The following MCTP1 variants were observed in gnomAD, a reference collection of about 807,000 sequenced individuals.
MCTP1 encodes multiple C2 and transmembrane domain containing 1.
Under a neutral mutation model 120.6 loss-of-function variants are expected in MCTP1, and 69 were observed. The observed-to-expected ratio is 0.57, with a 90% CI of 0.47 to 0.70. The LOEUF is 0.70. MCTP1 is among the 30% of genes least tolerant of loss of function. The pLI, the probability that MCTP1 is intolerant of heterozygous loss-of-function variation, is 0.00. For synonymous variants in MCTP1, 529 were observed against 493.1 expected, an observed-to-expected ratio of 1.07 and a Z score of -0.96; for missense variants, 1,203 against 1,248.8, an observed-to-expected ratio of 0.96 and a Z score of 0.55.
At chr5:94,711,224 CTTCT>C (rs1300000510) in intron 20 of MCTP1, among the ~76,000 whole-genome samples, 2 of 152,000 alleles carry the variant, frequency 1.3e-5, no homozygotes, top group African/African-American at 2.4e-5. Flanking sequence ...CTTTATTTTT[CTTCT>C]TTATTTTTCT....
intron 19 of MCTP1, among the ~76,000 whole-genome samples, chr5:94,758,203 C>T (rs1012890297): frequency 6.6e-6 from 1 of 152,176 alleles, no homozygotes; most frequent in African/African-American, 2.4e-5. Flanking sequence ...ATATTAAGTG[C>T]ACATATGCAT....
chr5:94,928,625 T>C (rs1813759628), intron 6 of MCTP1, among the ~76,000 whole-genome samples: 1 of 152,170 alleles, frequency 6.6e-6, no homozygotes, highest in Non-Finnish European at 1.5e-5. Context: ...ATGTGCGTAA[T>C]AGAAAGTGTG....
At chr5:94,977,435 T>C (rs1828353566) in intron 2 of MCTP1, among the ~76,000 whole-genome samples, 1 of 151,798 alleles carries the variant, frequency 6.6e-6, no homozygotes, top group Admixed American at 6.6e-5. Flanking sequence ...TCTATCAAAT[T>C]CCAATGATAT....
intron 19 of MCTP1, among the ~76,000 whole-genome samples, chr5:94,723,222 C>T (rs1761316165): frequency 6.6e-6 from 1 of 152,082 alleles, no homozygotes; most frequent in Non-Finnish European, 1.5e-5. Flanking sequence ...TGCCTCTCTT[C>T]CTGATATTAG....
intron 2 of MCTP1, among the ~76,000 whole-genome samples, chr5:94,972,644 T>G (rs557901525): frequency 2.0e-5 from 3 of 152,160 alleles, no homozygotes; most frequent in African/African-American, 7.2e-5. Context: ...GAAAATATAA[T>G]TTTAAAAATT....
At chr5:95,165,543 G>A (rs908271708) in intron 1 of MCTP1, among the ~76,000 whole-genome samples, 1 of 152,144 alleles carries the variant, frequency 6.6e-6, no homozygotes, top group Non-Finnish European at 1.5e-5. Context: ...GAATTCAAAT[G>A]TCTTGCATTA....
intron 1 of MCTP1, among the ~76,000 whole-genome samples, chr5:95,109,771 T>C (rs1418012739): frequency 1.3e-5 from 2 of 152,216 alleles, no homozygotes; most frequent in South Asian, 2.1e-4. Context: ...GTAGGTTATA[T>C]CTTTGTCAGG....
chr5:94,848,712 G>C (rs1413457538), intron 17 of MCTP1, among the ~76,000 whole-genome samples: 17 of 151,716 alleles, frequency 1.1e-4, no homozygotes, highest in Admixed American at 1.1e-3. Context: ...CTTGAACTGT[G>C]GGATAATTTC....
intron 10 of MCTP1, among the ~76,000 whole-genome samples, chr5:94,908,962 T>C (rs1256364493): frequency 1.3e-5 from 2 of 152,134 alleles, no homozygotes; most frequent in African/African-American, 4.8e-5. Context: ...TGTTCCTTTA[T>C]GTATCTTATA....
intron 1 of MCTP1, among the ~76,000 whole-genome samples, chr5:95,209,786 C>T (rs1287079681): frequency 6.6e-6 from 1 of 152,148 alleles, no homozygotes; most frequent in African/African-American, 2.4e-5. Context: ...TTGGATCTTT[C>T]CTGCTTTCTC....
chr5:95,248,125 C>T (rs896393758), intron 1 of MCTP1, among the ~76,000 whole-genome samples: 2 of 152,156 alleles, frequency 1.3e-5, no homozygotes, highest in Admixed American at 6.5e-5. Context: ...GACAAGGATG[C>T]CCTTTCTCAC....
intron 1 of MCTP1, among the ~76,000 whole-genome samples, chr5:95,090,355 AT>A (rs1755750859): frequency 6.6e-6 from 1 of 152,188 alleles, no homozygotes; most frequent in Admixed American, 6.5e-5. Flanking sequence ...CAGCAAATCA[AT>A]TAGCTATTTC....
At chr5:95,106,902 C>A (rs1429220218) in intron 1 of MCTP1, among the ~76,000 whole-genome samples, 1 of 152,058 alleles carries the variant, frequency 6.6e-6, no homozygotes, top group Admixed American at 6.5e-5. Flanking sequence ...ATAAAACTGG[C>A]AGTATATTTT....
intron 1 of MCTP1, among the ~76,000 whole-genome samples, chr5:95,255,925 T>C (rs780366099): frequency 6.6e-5 from 10 of 152,074 alleles, no homozygotes; most frequent in Non-Finnish European, 1.2e-4. Context: ...AGTTCGGTCA[T>C]AAACAAGCAC....
At chr5:94,977,626 A>G (rs942756485) in intron 2 of MCTP1, among the ~76,000 whole-genome samples, 5 of 152,154 alleles carry the variant, frequency 3.3e-5, no homozygotes, top group East Asian at 1.9e-4. Context: ...AGACAGACAT[A>G]TAGTCCAAGG....
intron 1 of MCTP1, among the ~76,000 whole-genome samples, chr5:95,224,698 T>C (rs532165901): frequency 3.2e-4 from 49 of 152,210 alleles, no homozygotes; most frequent in East Asian, 1.9e-3. Context: ...TTCATAGAAA[T>C]GTGGTTTCAC....
intron 10 of MCTP1, among the ~76,000 whole-genome samples, chr5:94,896,496 G>A (rs1271410991): frequency 3.3e-5 from 5 of 151,546 alleles, no homozygotes; most frequent in East Asian, 1.9e-4. Flanking sequence ...GCACTAAAAC[G>A]CATTGATGTC....
At chr5:95,089,566 T>C (rs567903317) in intron 1 of MCTP1, among the ~76,000 whole-genome samples, 1 of 152,228 alleles carries the variant, frequency 6.6e-6, no homozygotes, top group Non-Finnish European at 1.5e-5. Context: ...AGCGAAGTTT[T>C]CTATTTAAAT....
At chr5:95,247,952 C>T (rs1000537754) in intron 1 of MCTP1, among the ~76,000 whole-genome samples, 1 of 151,962 alleles carries the variant, frequency 6.6e-6, no homozygotes, top group Admixed American at 6.6e-5. Flanking sequence ...TCCTTGTTAA[C>T]CTTCTGTCTC....
Sources: gnomAD v4.1 joint callset for allele counts (sites outside exome capture counted in the v4.1 genomes callset) on GRCh38, gnomAD v4.1.1 for gene constraint, MANE v1.5 for transcripts, NCBI Gene and HGNC (gene_info 2026-07-23, HGNC 2026-07-21) for gene names.